YAP1: variants seen among roughly 807,000 people sequenced by gnomAD.
YAP1 encodes Yes1 associated transcriptional regulator, also known as transcriptional coactivator YAP1.
A neutral mutation model predicts 56.9 loss-of-function variants in YAP1; 5 were observed. That is an observed-to-expected ratio of 0.09 (90% confidence interval 0.05 to 0.18). The LOEUF (loss-of-function observed/expected upper bound fraction) is 0.18. Ranked by LOEUF, YAP1 falls within the 10% of genes least tolerant of loss-of-function variation. YAP1 has a pLI of 1.00. For synonymous variants in YAP1, 265 were observed against 248.1 expected (o/e 1.07, Z -0.64); for missense variants, 539 against 651.8 (o/e 0.83, Z 1.88).
chr11:102,224,966 A>T (rs887101101), intron 7 of YAP1, among the ~76,000 whole-genome samples: 5 of 152,194 alleles, frequency 3.3e-5, no homozygotes, highest in Admixed American at 6.5e-5. Context: ...TTAAAAATGG[A>T]TAGGCTGCAT....
chr11:102,174,245 A>C (rs1947096964), intron 3 of YAP1, among the ~76,000 whole-genome samples: 2 of 152,178 alleles, frequency 1.3e-5, no homozygotes, highest in Non-Finnish European at 2.9e-5. Flanking sequence ...CCATCATTTC[A>C]TGAGCTCTTA....
At chr11:102,129,380 G>A (rs1013981144) in intron 2 of YAP1, among the ~76,000 whole-genome samples, 10 of 152,064 alleles carry the variant, frequency 6.6e-5, no homozygotes, top group African/African-American at 2.4e-4. Context: ...CAGCACTTTG[G>A]GAGGCTGAGG....
At chr11:102,192,268 G>A (rs1948330121) in intron 4 of YAP1, among the ~76,000 whole-genome samples, 1 of 152,118 alleles carries the variant, frequency 6.6e-6, no homozygotes, top group Non-Finnish European at 1.5e-5. Flanking sequence ...TGTGTTCAGA[G>A]TTCTCTGTTC....
chr11:102,182,780 A>G (rs1947705328), intron 3 of YAP1, among the ~76,000 whole-genome samples: 2 of 152,308 alleles, frequency 1.3e-5, no homozygotes, highest in East Asian at 1.9e-4. Context: ...CAAAGAAAGT[A>G]TCCTATTTTG....
At chr11:102,132,930 A>G (rs999724432) in intron 2 of YAP1, among the ~76,000 whole-genome samples, 3 of 152,146 alleles carry the variant, frequency 2.0e-5, no homozygotes, top group African/African-American at 7.2e-5. Context: ...AGGCCGAGGC[A>G]GGAGATCACC....
intron 2 of YAP1, among the ~76,000 whole-genome samples, chr11:102,139,674 T>C (rs930364733): frequency 1.8e-4 from 27 of 152,156 alleles, no homozygotes; most frequent in African/African-American, 6.3e-4. Flanking sequence ...AACCATCTTA[T>C]CATAAAATGC....
chr11:102,161,378 AC>A (rs1946278299), intron 2 of YAP1, among the ~76,000 whole-genome samples: 1 of 151,098 alleles, frequency 6.6e-6, no homozygotes, highest in South Asian at 2.1e-4. Flanking sequence ...ACACACACAC[AC>A]ACACACACTA....
intron 2 of YAP1, among the ~76,000 whole-genome samples, chr11:102,144,388 C>T (rs1305287743): frequency 2.6e-5 from 4 of 152,196 alleles, no homozygotes; most frequent in African/African-American, 9.6e-5. Flanking sequence ...AGAAAGTTAC[C>T]TTATGCCATT....
chr11:102,228,690 A>C (rs948095429), intron 8 of YAP1, among the ~76,000 whole-genome samples: 3 of 150,532 alleles, frequency 2.0e-5, no homozygotes, highest in African/African-American at 7.3e-5. Flanking sequence ...TGCAGGAGCT[A>C]AGAAATACCT....
intron 2 of YAP1, among the ~76,000 whole-genome samples, chr11:102,115,599 C>CTT (rs36092201): frequency 1.9e-4 from 28 of 150,556 alleles, no homozygotes; most frequent in South Asian, 4.2e-4. Flanking sequence ...TTCTTTTCTT[C>CTT]TTTTTTTTTA....
At chr11:102,167,477 G>C (rs998228818) in intron 3 of YAP1, among the ~76,000 whole-genome samples, 3 of 152,228 alleles carry the variant, frequency 2.0e-5, no homozygotes, top group African/African-American at 7.2e-5. Context: ...GCTCATGCCT[G>C]TAATCCCAGA....
intron 2 of YAP1, among the ~76,000 whole-genome samples, chr11:102,127,471 G>C (rs1166686717): frequency 6.6e-6 from 1 of 151,590 alleles, no homozygotes; most frequent in Non-Finnish European, 1.5e-5. Flanking sequence ...TTGGTGTTGA[G>C]AGTGCAGTTG....
At chr11:102,148,908 T>C (rs1471053413) in intron 2 of YAP1, among the ~76,000 whole-genome samples, 3 of 152,204 alleles carry the variant, frequency 2.0e-5, no homozygotes, top group Non-Finnish European at 4.4e-5. Flanking sequence ...CTATAATCTT[T>C]TAATATTGCC....
At chr11:102,173,404 A>G (rs758110107) in intron 3 of YAP1, among the ~76,000 whole-genome samples, 1 of 152,116 alleles carries the variant, frequency 6.6e-6, no homozygotes, top group Non-Finnish European at 1.5e-5. Context: ...TTATTATCTG[A>G]TCATTTGAAT....
At chr11:102,171,864 T>G (rs976132202) in intron 3 of YAP1, among the ~76,000 whole-genome samples, 1 of 152,194 alleles carries the variant, frequency 6.6e-6, no homozygotes, top group Non-Finnish European at 1.5e-5. Context: ...AGAATCAAGC[T>G]AAGACAGACT....
intron 4 of YAP1, among the ~76,000 whole-genome samples, chr11:102,194,379 A>G (rs968434742): frequency 2.0e-5 from 3 of 152,178 alleles, no homozygotes; most frequent in African/African-American, 7.2e-5. Flanking sequence ...CTGCTACCCT[A>G]GTTGCTAAGG....
intron 6 of YAP1, among the ~76,000 whole-genome samples, chr11:102,210,804 G>A (rs1331473092): frequency 6.6e-6 from 1 of 152,192 alleles, no homozygotes; most frequent in Non-Finnish European, 1.5e-5. Context: ...CGAGGCTGGA[G>A]TGCAGTGGTG....
At chr11:102,206,593 C>A (rs138533422) in intron 5 of YAP1, among the ~76,000 whole-genome samples, 85 of 152,288 alleles carry the variant, frequency 5.6e-4, no homozygotes, top group African/African-American at 1.9e-3. Context: ...TGCCTGTAAT[C>A]CCAGCACTTT....
At chr11:102,125,964 T>C (rs921057457) in intron 2 of YAP1, among the ~76,000 whole-genome samples, 7 of 152,052 alleles carry the variant, frequency 4.6e-5, no homozygotes, top group Non-Finnish European at 1.5e-5. Flanking sequence ...TCTGCCAGTC[T>C]GGAGAGCACC....
Sources: gnomAD v4.1 joint callset for allele counts (sites outside exome capture counted in the v4.1 genomes callset) on GRCh38, gnomAD v4.1.1 for gene constraint, MANE v1.5 for transcripts, NCBI Gene and HGNC (gene_info 2026-07-23, HGNC 2026-07-21) for gene names.